The following SMIM21 variants were observed in gnomAD, a reference collection of about 807,000 sequenced individuals.
SMIM21 encodes the protein chromosome 18 open reading frame 62.
Under a neutral mutation model 8.6 loss-of-function variants are expected in SMIM21, and 8 were observed. That is an observed-to-expected ratio of 0.93 (90% CI 0.55 to 1.68). The LOEUF (loss-of-function observed/expected upper bound fraction) is 1.68, where lower values mean the gene tolerates loss of function less well. SMIM21 is among the 40% of genes most tolerant of loss of function. The pLI is 0.00. For synonymous variants in SMIM21, 43 were observed against 41.7 expected (o/e 1.03, Z -0.12); for missense variants, 132 against 123.0 (o/e 1.07, Z -0.35).
chr18:75,411,444 C>T (rs1262859049), intron 2 of SMIM21, among the ~76,000 whole-genome samples: 1 of 152,224 alleles, frequency 6.6e-6, no homozygotes, highest in Non-Finnish European at 1.5e-5. Flanking sequence ...AACCGTTTTG[C>T]TGTCTAACTC....
rs538676306 is a variant in SMIM21 at position 75,419,918 on chromosome 18, G to A, written c.130-1002C>T. On this transcript the variant is annotated intron_variant, in intron 1 of 2. Coordinates refer to ENST00000579022, the MANE Select transcript of SMIM21 (RefSeq NM_001037331.3). ...GTGTTATGAGGGGGCATGAGCCACCGTGGGAAGGAGAGAACTCAGTATTAC... is the reference window on the plus strand; with the variant it reads ...GTGTTATGAGGGGGCATGAGCCACCATGGGAAGGAGAGAACTCAGTATTAC... 7.2e-5 allele frequency among the ~76,000 whole-genome samples: 11 copies of A among 152,310 alleles called. No individual in the cohort carries two copies. The South Asian group carries it at 1.5e-3, about 20-fold the overall frequency.
chr18:75,426,298 TG>T (rs200958216), intron 1 of SMIM21, among the ~76,000 whole-genome samples: 40,197 of 150,800 alleles, frequency 0.27, 6,351 homozygotes, highest in Middle Eastern at 0.37. Flanking sequence ...TTTATTTGTT[TG>T]TTTGTTTGTT....
rs139288345 is a variant in SMIM21 at position 75,427,491 on chromosome 18, C to T, written c.73G>A (p.Ala25Thr). The part of the protein sequence containing the change: ...AQLGTFKQDS[A>T]GMGRIFKGNL... The stretch of plus-strand genomic sequence containing the variant: ...CCCTTGAATATCCGTCCCATTCCTG[C>T]AGAGTCTTGTTTAAATGTTCCCAGC... The change falls in exon 1 of 3, where the codon GCA (alanine) becomes ACA (threonine). Residue 25 changes from alanine (A) to threonine (T), a missense_variant. Physicochemically the swap from Ala to Thr is moderately conservative, Grantham distance 58. Coordinates refer to ENST00000579022, the MANE Select transcript of SMIM21 (RefSeq NM_001037331.3). The T allele has an allele frequency of 1.9e-6, 3 of 1,614,086 alleles. No homozygotes were observed. The highest frequency in any genetic ancestry group is 2.5e-6 in the Non-Finnish European group (3 of 1,179,996).
chr18:75,414,254 C>T (rs1302368949), intron 2 of SMIM21, among the ~76,000 whole-genome samples: 1 of 151,868 alleles, frequency 6.6e-6, no homozygotes, highest in Admixed American at 6.6e-5. Flanking sequence ...TTTTTGTCCC[C>T]AAGGAAATGT....
chr18:75,414,022 C>T (rs2024611636), intron 2 of SMIM21, among the ~76,000 whole-genome samples: 1 of 151,830 alleles, frequency 6.6e-6, no homozygotes, highest in South Asian at 2.1e-4. Context: ...AAACAAACTC[C>T]TGATTTGTAC....
intron 1 of SMIM21, among the ~76,000 whole-genome samples, chr18:75,424,237 C>G (rs2024738094): frequency 6.6e-6 from 1 of 152,182 alleles, no homozygotes; most frequent in Non-Finnish European, 1.5e-5. Context: ...CAACAAGATT[C>G]TTATTTAGTG....
chr18:75,414,434 T>G (rs1001599909), intron 2 of SMIM21, among the ~76,000 whole-genome samples: 1 of 152,112 alleles, frequency 6.6e-6, no homozygotes, highest in African/African-American at 2.4e-5. Flanking sequence ...TCGACATGCC[T>G]GCCGGCTTCC....
intron 1 of SMIM21, 42 bp downstream of exon 1, chr18:75,427,392 TA>T: frequency 6.3e-7 from 1 of 1,598,812 alleles, no homozygotes; most frequent in South Asian, 1.1e-5. Flanking sequence ...TGTGCAGTGA[TA>T]CGTCTCTCTC....
chr18:75,413,123 C>A (rs1053265084), intron 2 of SMIM21, among the ~76,000 whole-genome samples: 1 of 152,082 alleles, frequency 6.6e-6, no homozygotes, highest in Admixed American at 6.5e-5. Context: ...CCTGGGCCCC[C>A]CTACCTGAGT....
intron 1 of SMIM21, among the ~76,000 whole-genome samples, chr18:75,422,499 A>G (rs2024720074): frequency 6.6e-6 from 1 of 152,218 alleles, no homozygotes; most frequent in African/African-American, 2.4e-5. Flanking sequence ...ATGTCCACAC[A>G]AAAACTTGTA....
chr18:75,410,621 G>T lies in SMIM21; in HGVS notation c.*243C>A. On this transcript the variant is annotated 3_prime_UTR_variant, in exon 3 of 3. Coordinates refer to ENST00000579022, the MANE Select transcript of SMIM21 (RefSeq NM_001037331.3). ...CGCAGGGCAGATTTCGCAGGGTTGGGTGGCATCTGCAGCTCTCCTCCGGAA... is the reference window on the plus strand; with the variant it reads ...CGCAGGGCAGATTTCGCAGGGTTGGTTGGCATCTGCAGCTCTCCTCCGGAA... 1 of 1,053,488 alleles carries T rather than the reference G, an allele frequency of 9.5e-7. No individual in the cohort carries two copies. Among genetic ancestry groups the T allele is most frequent in the Non-Finnish European group, 1.3e-6 (1 of 792,834 alleles). 65.3% of individuals were successfully genotyped at this position (1,053,488 alleles called of 1,614,324 possible).
At chr18:75,411,039 T>C in intron 2 of SMIM21, 130 bp from the exon 3 acceptor site, 3 of 1,319,602 alleles carry the variant, frequency 2.3e-6, no homozygotes. Flanking sequence ...CCCCCAAGAT[T>C]TTGGAGTGTT....
In SMIM21 at chr18:75,427,422, C is replaced by T. The variant is rs2024776282; in HGVS notation, c.129+13G>A. 5.6e-6 allele frequency: 9 copies of T among 1,612,432 alleles called. No individual in the cohort carries two copies. In the South Asian group the frequency reaches 9.9e-5, roughly 18 times the overall value. ...CTCTCTCATAACCCAAAGTTAAAGA[C>T]CCATAAACTCACTGTGGTAAGTGCT... On this transcript the variant is annotated intron_variant, in intron 1 of 2. Transcript: ENST00000579022.
chr18:75,423,273 G>A (rs2024728589), intron 1 of SMIM21, among the ~76,000 whole-genome samples: 1 of 152,224 alleles, frequency 6.6e-6, no homozygotes, highest in Non-Finnish European at 1.5e-5. Context: ...CAATCTCAGA[G>A]CATTTTGTGT....
intron 2 of SMIM21, chr18:75,416,503 T>C (rs2024646716): frequency 6.6e-6 from 1 of 152,206 alleles, no homozygotes; most frequent in African/African-American, 2.4e-5. Flanking sequence ...TGGGAAAAAG[T>C]TTATAAAATT....
chr18:75,423,658 G>A (rs938643547), intron 1 of SMIM21, among the ~76,000 whole-genome samples: 3 of 152,196 alleles, frequency 2.0e-5, no homozygotes, highest in Non-Finnish European at 2.9e-5. Context: ...CATGGTTCCC[G>A]TGCCCTTTTC....
intron 1 of SMIM21, among the ~76,000 whole-genome samples, chr18:75,420,600 T>G (rs1348820408): frequency 6.6e-6 from 1 of 152,190 alleles, no homozygotes; most frequent in African/African-American, 2.4e-5. Flanking sequence ...GGCATTTGCT[T>G]GAGTGGAAAC....
intron 2 of SMIM21, chr18:75,417,978 CT>C (rs2144552449): frequency 2.7e-6 from 1 of 377,114 alleles, no homozygotes; most frequent in Non-Finnish European, 4.7e-6. Flanking sequence ...TGGTAGTAAG[CT>C]TTTTATTTTT....
At chr18:75,426,631 T>TAAAAAA (rs777676195) in intron 1 of SMIM21, among the ~76,000 whole-genome samples, 51 of 89,248 alleles carry the variant, frequency 5.7e-4, no homozygotes, top group Non-Finnish European at 7.3e-4. Flanking sequence ...TTTTAAAATG[T>TAAAAAA]AAAAAAAAAA....
Sources: allele counts gnomAD v4.1 joint callset (sites outside exome capture counted in the v4.1 genomes callset), GRCh38; gene constraint gnomAD v4.1.1; transcripts MANE v1.5; gene names NCBI Gene and HGNC (gene_info 2026-07-23, HGNC 2026-07-21).